The following PCDHA13 variants were observed in gnomAD, a reference collection of about 807,000 sequenced individuals.
PCDHA13 encodes the protein protocadherin alpha-13.
In PCDHA13, 54 loss-of-function variants were observed where a neutral mutation model predicts 64.8. The ratio of observed to expected loss-of-function variants is 0.83; its 90% CI spans 0.67 to 1.04. PCDHA13 has a LOEUF of 1.04. PCDHA13 is among the 50% of genes least tolerant of loss of function. The pLI is 0.00. For missense variants in PCDHA13, 1,248 were observed against 1,254.3 expected (o/e 0.99, Z 0.08); for synonymous variants, 587 against 564.4 (o/e 1.04, Z -0.57).
intron 1 of PCDHA13, among the ~76,000 whole-genome samples, chr5:140,937,132 GGTT>G (rs2091356684): frequency 6.6e-6 from 1 of 151,434 alleles, no homozygotes. Context: ...CCGCCTCCCG[GGTT>G]CATGCCATTC....
chr5:140,902,548 A>G (rs1554190491), intron 1 of PCDHA13, among the ~76,000 whole-genome samples: 1 of 152,028 alleles, frequency 6.6e-6, no homozygotes, highest in East Asian at 1.9e-4. Flanking sequence ...TTCCTTCTAT[A>G]CCCAGATTTT....
At chr5:140,960,836 AG>A (rs551951864) in intron 1 of PCDHA13, among the ~76,000 whole-genome samples, 345 of 152,342 alleles carry the variant, frequency 2.3e-3, no homozygotes, top group African/African-American at 7.6e-3. Flanking sequence ...AACTTGGAAC[AG>A]GTTTAATGGC....
rs782544853 is a variant in PCDHA13 at position 140,882,459 on chromosome 5, T to G, written c.191T>G (p.Phe64Cys). Residue 64 changes from phenylalanine (F) to cysteine (C), a missense_variant, in exon 1 of 4, where the codon TTC becomes TGC. Coordinates refer to ENST00000289272, the MANE Select transcript of PCDHA13 (RefSeq NM_018904.3). ...LELAELVPRLFRVASKRHGDL... is the reference protein window; with the variant it reads ...LELAELVPRLCRVASKRHGDL... ...CTGGCGGAGCTGGTGCCGCGCCTGT[T>G]CCGGGTGGCGTCCAAAAGACACGGG... The G allele has an allele frequency of 6.2e-7, 1 of 1,613,996 alleles. No individual in the cohort carries two copies. The highest frequency in any genetic ancestry group is 1.1e-5 in the South Asian group (1 of 91,072).
At chr5:140,913,379 C>T (rs1554195889) in intron 1 of PCDHA13, among the ~76,000 whole-genome samples, 1 of 152,134 alleles carries the variant, frequency 6.6e-6, no homozygotes, top group Non-Finnish European at 1.5e-5. Context: ...CATATAGTGG[C>T]TCATCATAGC....
At position 140,884,430 on chromosome 5, in the gene PCDHA13, T is replaced by G. The variant is rs1554181548; in HGVS notation, c.2162T>G (p.Leu721Arg). The G allele has an allele frequency of 2.5e-6, 4 of 1,613,804 alleles. No homozygotes were observed. The African/African-American group carries it at 4.0e-5, about 16-fold the overall frequency. Reference protein sequence around the residue: ...LVLTLLLYTALRCSAPPTEGA... With the variant: ...LVLTLLLYTARRCSAPPTEGA... ...CTCACGTTGCTGCTGTATACTGCGC[T>G]GCGGTGCTCGGCACCGCCCACCGAG... Residue 721 changes from leucine (L) to arginine (R), a missense_variant, in exon 1 of 4, where the codon CTG (leucine) becomes CGG (arginine). Leu to Arg is a moderately radical substitution (Grantham distance 102). Transcript: ENST00000289272.
At chr5:141,000,429 T>A (rs1327595966) in intron 3 of PCDHA13, among the ~76,000 whole-genome samples, 40 of 124,862 alleles carry the variant, frequency 3.2e-4, no homozygotes, top group African/African-American at 1.1e-3. Flanking sequence ...ATATTTTTTT[T>A]TTTTTTTTTT....
chr5:140,905,399 A>AT (rs1414882789), intron 1 of PCDHA13, among the ~76,000 whole-genome samples: 8 of 152,142 alleles, frequency 5.3e-5, no homozygotes, highest in African/African-American at 1.9e-4. Context: ...CTGTGTGCCT[A>AT]TTTTTATACC....
chr5:140,977,074 T>C (rs1315038002), intron 1 of PCDHA13, among the ~76,000 whole-genome samples: 1 of 152,244 alleles, frequency 6.6e-6, no homozygotes, highest in Admixed American at 6.5e-5. Flanking sequence ...AATAGCAGCA[T>C]GACAAATTAA....
intron 1 of PCDHA13, among the ~76,000 whole-genome samples, chr5:140,962,524 G>T (rs1410879766): frequency 6.6e-6 from 1 of 152,012 alleles, no homozygotes; most frequent in Non-Finnish European, 1.5e-5. Flanking sequence ...TAATATATTA[G>T]TTTTTTAGAA....
At position 140,963,599 on chromosome 5, in the gene PCDHA13, C is replaced by T. The variant is rs968307291; in HGVS notation, c.2395-15350C>T. On this transcript the variant is annotated intron_variant, in intron 1 of 3. Coordinates refer to ENST00000289272, the MANE Select transcript of PCDHA13 (RefSeq NM_018904.3). ...TCAAAATGTAGGATATAGTTCTAGA[C>T]GTAATTGGGAAAGCTTAACTTTGTT... Among the ~76,000 whole-genome samples, 9 of 152,254 alleles carry T rather than the reference C, an allele frequency of 5.9e-5. No individual in the cohort carries two copies. The South Asian group carries it at 1.0e-3, about 18-fold the overall frequency.
At chr5:140,959,230 A>C (rs776449475) in intron 1 of PCDHA13, among the ~76,000 whole-genome samples, 13 of 152,092 alleles carry the variant, frequency 8.5e-5, no homozygotes, top group Non-Finnish European at 1.0e-4. Context: ...TACAAAAATT[A>C]TCTGGGCATG....
At chr5:140,887,072 C>T (rs1270434147) in intron 1 of PCDHA13, among the ~76,000 whole-genome samples, 1 of 151,836 alleles carries the variant, frequency 6.6e-6, no homozygotes, top group African/African-American at 2.4e-5. Context: ...CAAATTCACT[C>T]AGCTTTTGTC....
At chr5:140,958,700 C>G (rs2095439212) in intron 1 of PCDHA13, among the ~76,000 whole-genome samples, 1 of 152,086 alleles carries the variant, frequency 6.6e-6, no homozygotes, top group Non-Finnish European at 1.5e-5. Context: ...CCTAGAGTGA[C>G]AACTCTGTTA....
intron 3 of PCDHA13, among the ~76,000 whole-genome samples, chr5:140,999,845 T>C (rs1293721817): frequency 6.6e-6 from 1 of 152,188 alleles, no homozygotes; most frequent in African/African-American, 2.4e-5. Context: ...CAAGTGTATT[T>C]ATCTCTTCCG....
At chr5:141,009,551 C>G (rs551736337) in intron 3 of PCDHA13, 76 bp from the exon 4 acceptor site, 1 of 1,561,992 alleles carries the variant, frequency 6.4e-7, no homozygotes, top group East Asian at 2.2e-5. Flanking sequence ...ATGCAGTACT[C>G]CTGTACTCTA....
At chr5:140,904,547 T>C (rs1313461939) in intron 1 of PCDHA13, among the ~76,000 whole-genome samples, 1 of 152,116 alleles carries the variant, frequency 6.6e-6, no homozygotes, top group African/African-American at 2.4e-5. Flanking sequence ...ATCTTTTTCA[T>C]ATAATGACTT....
intron 1 of PCDHA13, chr5:140,929,251 G>A (rs782590821): frequency 6.2e-7 from 1 of 1,613,534 alleles, no homozygotes; most frequent in South Asian, 1.1e-5. Flanking sequence ...TGCCACTGGG[G>A]TAGGACTGAA....
intron 1 of PCDHA13, among the ~76,000 whole-genome samples, chr5:140,904,653 A>AGT (rs2071298480): frequency 6.6e-6 from 1 of 152,104 alleles, no homozygotes; most frequent in Non-Finnish European, 1.5e-5. Context: ...TGTTTTCCAT[A>AGT]GTGGTTGTAC....
At position 140,882,738 on chromosome 5, in the gene PCDHA13, C is replaced by T. The variant is rs1005115100; in HGVS notation, c.470C>T (p.Ala157Val). 8.1e-6 allele frequency: 13 copies of T among 1,614,118 alleles called. No individual in the cohort carries two copies. The highest frequency in any genetic ancestry group is 1.3e-5 in the African/African-American group (1 of 74,942). ...PPETRFPLDG[A>V]SDADIGVNSA... ...GAAACTCGATTTCCACTAGATGGCG[C>T]ATCCGATGCAGATATTGGAGTAAAC... The change falls in exon 1 of 4, where the codon GCA becomes GTA. Residue 157 changes from alanine (A) to valine (V), a missense_variant. Transcript: ENST00000289272.
Sources: allele counts gnomAD v4.1 joint callset (sites outside exome capture counted in the v4.1 genomes callset), GRCh38; gene constraint gnomAD v4.1.1; transcripts MANE v1.5; gene names NCBI Gene and HGNC (gene_info 2026-07-23, HGNC 2026-07-21).